ARHGAP28: variants seen among roughly 807,000 people sequenced by gnomAD.
The protein encoded by ARHGAP28 is Rho GTPase activating protein 28.
A neutral mutation model predicts 90.7 loss-of-function variants in ARHGAP28; 56 were observed. That is an observed-to-expected ratio of 0.62 (90% CI 0.50 to 0.77). The LOEUF is 0.77. Among genes scored for constraint, ARHGAP28 ranks in the 30% least tolerant of loss-of-function variants. ARHGAP28 has a pLI of 0.00. For synonymous variants in ARHGAP28, 308 were observed against 323.3 expected (o/e 0.95, Z 0.51); for missense variants, 869 against 900.9 (o/e 0.96, Z 0.45).
At chr18:6,839,387 G>A (rs1304861658) in intron 3 of ARHGAP28, among the ~76,000 whole-genome samples, 38 of 148,406 alleles carry the variant, frequency 2.6e-4, no homozygotes, top group Admixed American at 1.8e-3. Flanking sequence ...TCCGCCTCCC[G>A]GGTTCACGCC....
chr18:6,870,956 T>G (rs550907827), intron 7 of ARHGAP28, among the ~76,000 whole-genome samples: 2 of 151,822 alleles, frequency 1.3e-5, no homozygotes, highest in African/African-American at 4.8e-5. Flanking sequence ...ACCTGCCAAC[T>G]TGCCCGGCTA....
intron 11 of ARHGAP28, among the ~76,000 whole-genome samples, chr18:6,884,808 T>C (rs1302109125): frequency 6.6e-6 from 1 of 152,186 alleles, no homozygotes. Context: ...GTTTGAATTA[T>C]GCAAGGAGGA....
rs563520456 is a variant in ARHGAP28, at chr18:6,842,309, G to C, written c.543+4895G>C. Among the ~76,000 whole-genome samples the C allele has an allele frequency of 1.6e-3, 239 of 152,302 alleles. 1 individual carries two copies. Among genetic ancestry groups the C allele is most frequent in the African/African-American group, 5.5e-3 (227 of 41,554 alleles). On this transcript the variant is annotated intron_variant, in intron 3 of 17. Coordinates refer to ENST00000383472, the MANE Select transcript of ARHGAP28 (RefSeq NM_001366230.1). ...TTGAGCCTGGCAGGTCAAGGCTGCAGTGAGCCATGACTGGGCCACTTAACT... is the reference window on the plus strand; with the variant it reads ...TTGAGCCTGGCAGGTCAAGGCTGCACTGAGCCATGACTGGGCCACTTAACT...
At chr18:6,795,554 T>TAAC (rs1392037930) in intron 1 of ARHGAP28, among the ~76,000 whole-genome samples, 2 of 152,336 alleles carry the variant, frequency 1.3e-5, no homozygotes, top group African/African-American at 2.4e-5. Context: ...ATCTCTGTTG[T>TAAC]AACTACTAAC....
Position 6,915,035 on chromosome 18 carries a change from T to A in ARHGAP28, c.*2881T>A, listed in dbSNP as rs146771955. ...TACAAACTGTGCCTGAATCTTATTA[T>A]TTAAATCACTTCAGTTAGCTTTCAG... On this transcript the variant is annotated 3_prime_UTR_variant, in exon 18 of 18. Coordinates refer to ENST00000383472, the MANE Select transcript of ARHGAP28 (RefSeq NM_001366230.1). 4 of 152,794 alleles carry A rather than the reference T, an allele frequency of 2.6e-5. No individual in the cohort carries two copies. The highest frequency in any genetic ancestry group is 9.6e-5 in the African/African-American group (4 of 41,598). 9.5% of individuals were successfully genotyped at this position (152,794 alleles called of 1,614,324 possible).
chr18:6,879,020 C>T (rs2057156243), intron 10 of ARHGAP28, among the ~76,000 whole-genome samples: 1 of 152,138 alleles, frequency 6.6e-6, no homozygotes, highest in African/African-American at 2.4e-5. Flanking sequence ...ACGGTCTGGC[C>T]TGGCTTTGTG....
chr18:6,831,470 TG>T (rs1446288107), intron 2 of ARHGAP28, among the ~76,000 whole-genome samples: 3 of 70,226 alleles, frequency 4.3e-5, no homozygotes, highest in African/African-American at 4.5e-5. Context: ...TGTATCTTGA[TG>T]TTTTTTTTTT....
intron 10 of ARHGAP28, among the ~76,000 whole-genome samples, chr18:6,881,004 C>T (rs2057173629): frequency 6.6e-6 from 1 of 152,146 alleles, no homozygotes; most frequent in South Asian, 2.1e-4. Flanking sequence ...CAAAGTATTC[C>T]TATAAGATTG....
At chr18:6,827,405 G>T (rs914327413) in intron 2 of ARHGAP28, among the ~76,000 whole-genome samples, 4 of 145,904 alleles carry the variant, frequency 2.7e-5, no homozygotes, top group Non-Finnish European at 6.1e-5. Flanking sequence ...GCGGCTGGCC[G>T]GGAGGGGGGT....
At position 6,894,903 on chromosome 18, in the gene ARHGAP28, A is replaced by C. The variant is rs1276271181; in HGVS notation, c.1905+12A>C. On this transcript the variant is annotated intron_variant, in intron 15 of 17. Transcript: ENST00000383472. Reference sequence around the variant, plus strand: ...CGGCAAGACGAATGGTAAGAAAAATAATTTCTTTTCCCTTCCATTAACTCC... The same window carrying C: ...CGGCAAGACGAATGGTAAGAAAAATCATTTCTTTTCCCTTCCATTAACTCC... 1 of 1,613,138 alleles carries C rather than the reference A, an allele frequency of 6.2e-7. No homozygotes were observed. Among genetic ancestry groups the C allele is most frequent in the East Asian group, 2.2e-5 (1 of 44,862 alleles).
chr18:6,736,095 T>A (rs1290600071), intron 1 of ARHGAP28, among the ~76,000 whole-genome samples: 1 of 152,222 alleles, frequency 6.6e-6, no homozygotes, highest in Non-Finnish European at 1.5e-5. Flanking sequence ...CCTTAAACTT[T>A]TAGCATTTAT....
In ARHGAP28 at chr18:6,841,208, C is replaced by CTCTCTCTCTCTCCTCT. The variant is rs1555631529; in HGVS notation, c.543+3794_543+3795insTCTCTCTCTCTCCTCT. Among the ~76,000 whole-genome samples the CTCTCTCTCTCTCCTCT allele has an allele frequency of 2.6e-3, 110 of 43,128 alleles. 2 individuals carry two copies. Among genetic ancestry groups the CTCTCTCTCTCTCCTCT allele is most frequent in the African/African-American group, 9.7e-3 (105 of 10,876 alleles). 28.3% of individuals were successfully genotyped at this position (43,128 alleles called of 152,430 possible). ...CTCTCTCTCTCTCTCTCTCTCCTCT[C>CTCTCTCTCTCTCCTCT]CTCTCTCTCTCTCTCCCCCCAACCC... On this transcript the variant is annotated intron_variant, in intron 3 of 17. Transcript: ENST00000383472.
chr18:6,873,443 C>T lies in ARHGAP28; in HGVS notation c.989C>T (p.Thr330Ile). ...FNVQKTRFGLTEAGDLSAEDM... is the reference protein window; with the variant it reads ...FNVQKTRFGLIEAGDLSAEDM... ...GTTCAGAAAACCAGATTTGGCTTAA[C>T]TGAAGCAGGAGATCTGTCTGCTGAA... The change falls in exon 8 of 18, where the codon ACT becomes ATT. Residue 330 changes from threonine to isoleucine, a missense_variant. Transcript: ENST00000383472. The T allele has an allele frequency of 5.6e-6, 9 of 1,611,754 alleles. No homozygotes were observed. The highest frequency in any genetic ancestry group is 7.6e-6 in the Non-Finnish European group (9 of 1,179,480).
At chr18:6,826,117 G>GTTTTT (rs35995654) in intron 2 of ARHGAP28, among the ~76,000 whole-genome samples, 2 of 138,496 alleles carry the variant, frequency 1.4e-5, no homozygotes, top group Non-Finnish European at 1.5e-5. Flanking sequence ...CATTGCCAGT[G>GTTTTT]TTTTTTTTTT....
At chr18:6,867,037 G>A (rs1201627882) in intron 5 of ARHGAP28, among the ~76,000 whole-genome samples, 1 of 152,104 alleles carries the variant, frequency 6.6e-6, no homozygotes, top group East Asian at 1.9e-4. Flanking sequence ...CCAAACATTG[G>A]CCAGACAATG....
intron 1 of ARHGAP28, among the ~76,000 whole-genome samples, chr18:6,809,035 C>G (rs1451186793): frequency 1.3e-5 from 2 of 152,236 alleles, no homozygotes; most frequent in East Asian, 3.9e-4. Flanking sequence ...GCTTTGATCT[C>G]TGCTTCTTCA....
chr18:6,900,866 T>G (rs1420410662), intron 16 of ARHGAP28, among the ~76,000 whole-genome samples: 23 of 152,200 alleles, frequency 1.5e-4, no homozygotes. Flanking sequence ...AATAGTATGA[T>G]TAAACTTGTA....
chr18:6,737,063 G>T (rs2055935352), intron 1 of ARHGAP28, among the ~76,000 whole-genome samples: 2 of 152,026 alleles, frequency 1.3e-5, no homozygotes, highest in Non-Finnish European at 1.5e-5. Flanking sequence ...CAACCATATG[G>T]TCTCTAGATG....
intron 1 of ARHGAP28, chr18:6,790,966 T>C (rs1158952953): frequency 2.0e-5 from 3 of 151,838 alleles, no homozygotes; most frequent in African/African-American, 7.2e-5. Context: ...AATTTATAGA[T>C]AATATAATCT....
Sources: allele counts gnomAD v4.1 joint callset (sites outside exome capture counted in the v4.1 genomes callset), GRCh38; gene constraint gnomAD v4.1.1; transcripts MANE v1.5; gene names NCBI Gene and HGNC (gene_info 2026-07-23, HGNC 2026-07-21).